Variants in GHR observed in about 807,000 individuals in gnomAD.
GHR encodes growth hormone receptor, also known as GH receptor.
Under a neutral mutation model 67.1 loss-of-function variants are expected in GHR, and 35 were observed. The observed-to-expected ratio is 0.52, with a 90% CI of 0.40 to 0.69. GHR has a LOEUF of 0.69. Among genes scored for constraint, GHR ranks in the 30% least tolerant of loss-of-function variants. The pLI is 0.00. For missense variants in GHR, 792 were observed against 764.6 expected, an observed-to-expected ratio of 1.04 and a Z score of -0.42; for synonymous variants, 272 against 269.1, an observed-to-expected ratio of 1.01 and a Z score of -0.10.
intron 2 of GHR, among the ~76,000 whole-genome samples, chr5:42,580,674 A>G (rs1019059680): frequency 1.1e-4 from 17 of 152,228 alleles, no homozygotes; most frequent in Admixed American, 3.3e-4. Context: ...TCAAGCAGTT[A>G]CTGTCAGAGG....
At chr5:42,583,400 A>C (rs1751295830) in intron 2 of GHR, among the ~76,000 whole-genome samples, 1 of 152,182 alleles carries the variant, frequency 6.6e-6, no homozygotes, top group South Asian at 2.1e-4. Context: ...GACAATTGCT[A>C]TTGCCAAACA....
intron 2 of GHR, among the ~76,000 whole-genome samples, chr5:42,607,907 G>C (rs1752702757): frequency 6.6e-6 from 1 of 152,180 alleles, no homozygotes; most frequent in Non-Finnish European, 1.5e-5. Context: ...CTACTTTCAA[G>C]ATTTCCTGGC....
chr5:42,715,581 C>T (rs938597657), intron 8 of GHR, among the ~76,000 whole-genome samples: 9 of 152,210 alleles, frequency 5.9e-5, no homozygotes, highest in African/African-American at 2.2e-4. Flanking sequence ...CCCTCCCAGC[C>T]TTTGAGCTGT....
At chr5:42,511,247 T>C (rs13184341) in intron 1 of GHR, among the ~76,000 whole-genome samples, 1,793 of 152,272 alleles carry the variant, frequency 0.012, 15 homozygotes, top group Non-Finnish European at 0.018. Context: ...TAAAAATATT[T>C]TTCATAGTTT....
intron 6 of GHR, among the ~76,000 whole-genome samples, chr5:42,705,064 G>T (rs1448743805): frequency 6.6e-6 from 1 of 152,062 alleles, no homozygotes; most frequent in Non-Finnish European, 1.5e-5. Context: ...GGGATGCAAG[G>T]ATGGTTCATC....
intron 2 of GHR, among the ~76,000 whole-genome samples, chr5:42,588,474 G>A (rs1036706727): frequency 1.5e-5 from 2 of 133,628 alleles, no homozygotes; most frequent in Non-Finnish European, 3.1e-5. Context: ...GAGCGAGATC[G>A]CGCCATTGCA....
intron 1 of GHR, among the ~76,000 whole-genome samples, chr5:42,503,517 T>G (rs546551075): frequency 7.0e-4 from 107 of 152,360 alleles, no homozygotes; most frequent in Admixed American, 1.2e-3. Flanking sequence ...GAATGAAGAA[T>G]GGCTTTGAAG....
chr5:42,590,297 T>C (rs1008774249), intron 2 of GHR, among the ~76,000 whole-genome samples: 6 of 152,164 alleles, frequency 3.9e-5, no homozygotes, highest in Non-Finnish European at 7.3e-5. Context: ...TAATAAAGAT[T>C]TCAGGACAGT....
chr5:42,681,499 C>T (rs1486958333), intron 3 of GHR, among the ~76,000 whole-genome samples: 2 of 152,178 alleles, frequency 1.3e-5, no homozygotes, highest in Non-Finnish European at 2.9e-5. Flanking sequence ...AACGCTTTTA[C>T]ACTGTTGGTG....
chr5:42,708,773 G>C (rs1185068717), intron 6 of GHR, among the ~76,000 whole-genome samples: 8 of 152,162 alleles, frequency 5.3e-5, no homozygotes, highest in Non-Finnish European at 1.2e-4. Context: ...CCAGGTACTT[G>C]TGAGCATGTA....
At chr5:42,597,164 T>C (rs1166940236) in intron 2 of GHR, among the ~76,000 whole-genome samples, 2 of 152,142 alleles carry the variant, frequency 1.3e-5, no homozygotes, top group African/African-American at 2.4e-5. Flanking sequence ...CATGACCAAC[T>C]TTAAGTTACC....
intron 1 of GHR, among the ~76,000 whole-genome samples, chr5:42,557,003 C>T (rs570779552): frequency 5.5e-4 from 83 of 152,272 alleles, no homozygotes; most frequent in African/African-American, 1.9e-3. Flanking sequence ...TCAAGCCAAG[C>T]GTCTTGTCAC....
intron 1 of GHR, among the ~76,000 whole-genome samples, chr5:42,535,290 G>A (rs1018996696): frequency 5.9e-5 from 9 of 152,032 alleles, no homozygotes; most frequent in African/African-American, 7.2e-5. Context: ...ATAGTTTCAC[G>A]TTTTAGATTT....
At chr5:42,473,886 A>AAAAAG (rs1199484788) in intron 1 of GHR, among the ~76,000 whole-genome samples, 21 of 150,388 alleles carry the variant, frequency 1.4e-4, no homozygotes, top group African/African-American at 4.9e-4. Context: ...AAAAAAAAAA[A>AAAAAG]AAAAGAAAAG....
intron 1 of GHR, among the ~76,000 whole-genome samples, chr5:42,525,329 T>C (rs922824769): frequency 2.0e-5 from 3 of 152,220 alleles, no homozygotes; most frequent in Admixed American, 2.0e-4. Context: ...ATTTTTGAGC[T>C]TTAAAGTTTG....
At position 42,720,084 on chromosome 5, in the gene GHR, T is replaced by C. The variant is rs1758947070; in HGVS notation, c.*660T>C. ...ACTACAGTCTAAAGCTGGTTTAATG[T>C]TTTGGCCAATGCACCTAAAGAAAAA... is the stretch of plus-strand genomic sequence containing the variant. On this transcript the variant is annotated 3_prime_UTR_variant, in exon 10 of 10. Transcript: ENST00000230882. 1 of 152,848 alleles carries C rather than the reference T, an allele frequency of 6.5e-6. No individual in the cohort carries two copies. The highest frequency in any genetic ancestry group is 1.5e-5 in the Non-Finnish European group (1 of 68,558). The allele number at this position is 152,848 out of a possible 1,614,324, so 9.5% of individuals were successfully genotyped here. A position where few individuals can be genotyped will look rare whatever the true frequency, so the allele number is the denominator to read the frequency against.
intron 3 of GHR, among the ~76,000 whole-genome samples, chr5:42,661,011 A>T (rs1001250086): frequency 8.5e-5 from 13 of 152,232 alleles, no homozygotes; most frequent in African/African-American, 3.1e-4. Context: ...GGTATCAGTG[A>T]TGGAATATGA....
At chr5:42,685,110 C>T (rs1757074858) in intron 3 of GHR, among the ~76,000 whole-genome samples, 1 of 152,096 alleles carries the variant, frequency 6.6e-6, no homozygotes, top group South Asian at 2.1e-4. Flanking sequence ...CAGCCCTCAA[C>T]AGGCCCCAGT....
At chr5:42,686,380 GA>G (rs1318687946) in intron 3 of GHR, among the ~76,000 whole-genome samples, 2 of 151,846 alleles carry the variant, frequency 1.3e-5, no homozygotes, top group African/African-American at 2.4e-5. Context: ...AATAAAAAAA[GA>G]AAATTTTAGA....
Sources: gnomAD v4.1 joint callset for allele counts (sites outside exome capture counted in the v4.1 genomes callset) on GRCh38, gnomAD v4.1.1 for gene constraint, MANE v1.5 for transcripts, NCBI Gene and HGNC (gene_info 2026-07-23, HGNC 2026-07-21) for gene names.